Variants in RGS6 observed in about 807,000 individuals in gnomAD.
RGS6 encodes the protein regulator of G protein signaling 6.
RGS6 carries 30 observed loss-of-function variants against 78.5 expected under a neutral mutation model. That is an observed-to-expected ratio of 0.38 (90% confidence interval 0.29 to 0.52). The LOEUF is 0.52. RGS6 is among the 20% of genes least tolerant of loss of function. The probability of loss-of-function intolerance (pLI) is 0.85; values close to 1 mark genes in which losing one functional copy is unlikely to be tolerated. For missense variants in RGS6, 495 were observed against 609.7 expected (o/e 0.81, Z 1.98); for synonymous variants, 206 against 206.0 (o/e 1.00, Z 0.00).
At chr14:72,197,224 C>T (rs890420112) in intron 2 of RGS6, among the ~76,000 whole-genome samples, 3 of 152,128 alleles carry the variant, frequency 2.0e-5, no homozygotes, top group Admixed American at 6.5e-5. Context: ...CGCCACCATG[C>T]CTGGCTGATT....
intron 2 of RGS6, among the ~76,000 whole-genome samples, chr14:72,345,976 G>T (rs2681736): frequency 0.45 from 69,001 of 152,070 alleles, 15,960 homozygotes; most frequent in South Asian, 0.57. Context: ...CTGCCTCTGG[G>T]CTGATAAGAT....
At chr14:72,486,933 G>T (rs1050470550) in intron 12 of RGS6, among the ~76,000 whole-genome samples, 3 of 152,102 alleles carry the variant, frequency 2.0e-5, no homozygotes, top group Admixed American at 2.0e-4. Flanking sequence ...TGCCCAGCGT[G>T]GGGTGTTCTT....
At chr14:72,517,240 T>C (rs756385953) in intron 14 of RGS6, among the ~76,000 whole-genome samples, 1 of 152,156 alleles carries the variant, frequency 6.6e-6, no homozygotes, top group Non-Finnish European at 1.5e-5. Flanking sequence ...TCAGCTTCGC[T>C]TGTCCCTCCC....
At chr14:72,562,316 C>A in intron 17 of RGS6, 101 bp from the exon 18 acceptor site, 1 of 1,239,676 alleles carries the variant, frequency 8.1e-7, no homozygotes, top group Non-Finnish European at 1.2e-6. Flanking sequence ...GTCGTTTGGC[C>A]TACATGGCTC....
At chr14:72,068,340 G>C (rs536168810) in intron 2 of RGS6, among the ~76,000 whole-genome samples, 34 of 151,864 alleles carry the variant, frequency 2.2e-4, no homozygotes, top group Admixed American at 3.9e-4. Flanking sequence ...TTGCCATGTT[G>C]GCCAGGCTGG....
At chr14:72,196,185 G>A (rs1474777160) in intron 2 of RGS6, among the ~76,000 whole-genome samples, 1 of 152,178 alleles carries the variant, frequency 6.6e-6, no homozygotes, top group East Asian at 1.9e-4. Context: ...CGTGATTGTG[G>A]GAGGGTACAA....
chr14:71,919,649 T>A, the RGS6 span, among the ~76,000 whole-genome samples: 1 of 152,324 alleles, frequency 6.6e-6, no homozygotes, highest in Admixed American at 6.5e-5. Context: ...GCTTCAACTA[T>A]ATCTCTAATC....
At chr14:72,013,053 C>T (rs1229950243) in intron 2 of RGS6, among the ~76,000 whole-genome samples, 2 of 151,908 alleles carry the variant, frequency 1.3e-5, no homozygotes, top group Admixed American at 1.3e-4. Flanking sequence ...GGCGGATCAC[C>T]TGAGGTCAGG....
chr14:72,151,030 A>C (rs1039939269), intron 2 of RGS6, among the ~76,000 whole-genome samples: 5 of 152,220 alleles, frequency 3.3e-5, no homozygotes, highest in African/African-American at 1.2e-4. Flanking sequence ...TATTAGCCTG[A>C]GACAGGAGCT....
At chr14:71,901,638 A>G in the RGS6 span, among the ~76,000 whole-genome samples, 126,380 of 152,172 alleles carry the variant, frequency 0.83, 52,680 homozygotes, top group African/African-American at 0.85. Context: ...CAGGCCAGTC[A>G]TAAGGTGAGA....
At chr14:72,568,508 C>T (rs2097716676), downstream of RGS6, among the ~76,000 whole-genome samples, 1 of 152,204 alleles carries the variant, frequency 6.6e-6, no homozygotes, top group African/African-American at 2.4e-5. Flanking sequence ...GGGCAGCGGC[C>T]TCTCTCTGCC....
intron 2 of RGS6, among the ~76,000 whole-genome samples, chr14:72,025,463 G>T (rs966207691): frequency 6.6e-6 from 1 of 152,084 alleles, no homozygotes; most frequent in Non-Finnish European, 1.5e-5. Flanking sequence ...TTAATGTTGG[G>T]AATATCAGGA....
chr14:72,061,339 A>C (rs2093883876), intron 2 of RGS6, among the ~76,000 whole-genome samples: 1 of 152,212 alleles, frequency 6.6e-6, no homozygotes, highest in Non-Finnish European at 1.5e-5. Context: ...TGGCATACTC[A>C]GTGTAACCTA....
chr14:72,538,666 G>A (rs1055828645), intron 16 of RGS6, among the ~76,000 whole-genome samples: 3 of 152,264 alleles, frequency 2.0e-5, no homozygotes, highest in Non-Finnish European at 2.9e-5. Flanking sequence ...GGTTCAAGCT[G>A]AGTCCTGCCA....
In RGS6 at chr14:72,199,330, T is replaced by C. The variant is rs1005913892; in HGVS notation, c.85-152765T>C. Among the ~76,000 whole-genome samples, 8 of 152,226 alleles carry C rather than the reference T, an allele frequency of 5.3e-5. No homozygotes were observed. The East Asian group carries it at 9.6e-4, about 18-fold the overall frequency. ...GCTTCGTATTTAGTTTTTACACTTA[T>C]GTTGGTGTCAGAATTATAGAAGAGT... On this transcript the variant is annotated intron_variant, in intron 2 of 17. Coordinates refer to ENST00000553525, the MANE Select transcript of RGS6 (RefSeq NM_001204424.2).
At chr14:72,547,329 T>C (rs1438511067) in intron 17 of RGS6, 1 of 1,535,070 alleles carries the variant, frequency 6.5e-7, no homozygotes, top group Admixed American at 2.0e-5. Flanking sequence ...CAAAGAGAAG[T>C]CAGAGAGCTT....
chr14:72,041,184 A>G (rs2092368572), intron 2 of RGS6, among the ~76,000 whole-genome samples: 2 of 152,166 alleles, frequency 1.3e-5, no homozygotes, highest in African/African-American at 4.8e-5. Flanking sequence ...TTGAAAAACA[A>G]CTACAACAAC....
At chr14:71,981,630 G>T (rs1276265597) in intron 2 of RGS6, among the ~76,000 whole-genome samples, 1 of 151,928 alleles carries the variant, frequency 6.6e-6, no homozygotes, top group Non-Finnish European at 1.5e-5. Flanking sequence ...ACTTGAGGAG[G>T]CAGTCTGCCC....
At chr14:72,397,849 A>G (rs1359660313) in intron 3 of RGS6, among the ~76,000 whole-genome samples, 1 of 152,180 alleles carries the variant, frequency 6.6e-6, no homozygotes, top group Non-Finnish European at 1.5e-5. Flanking sequence ...ATGCTGGATT[A>G]CGTTTATTGA....
Sources: allele counts gnomAD v4.1 joint callset (sites outside exome capture counted in the v4.1 genomes callset), GRCh38; gene constraint gnomAD v4.1.1; transcripts MANE v1.5; gene names NCBI Gene and HGNC (gene_info 2026-07-23, HGNC 2026-07-21).